The following CCDC74B variants were observed in gnomAD, a reference collection of about 807,000 sequenced individuals.
CCDC74B encodes coiled-coil domain-containing protein 74B.
Under a neutral mutation model 38.0 loss-of-function variants are expected in CCDC74B, and 34 were observed. The ratio of observed to expected loss-of-function variants is 0.89; its 90% CI spans 0.68 to 1.19. The LOEUF is 1.19. Ranked by LOEUF, CCDC74B falls within the 50% of genes most tolerant of loss-of-function variation. The probability of loss-of-function intolerance (pLI) is 0.00; values close to 1 mark genes in which losing one functional copy is unlikely to be tolerated. For missense variants in CCDC74B, 358 were observed against 406.0 expected (o/e 0.88, Z 1.02); for synonymous variants, 132 against 170.4 (o/e 0.77, Z 1.76).
intron 4 of CCDC74B, 149 bp from the exon 5 acceptor site, chr2:130,140,520 G>A (rs1197462297): frequency 1.7e-5 from 15 of 881,572 alleles, no homozygotes; most frequent in South Asian, 1.2e-4. Flanking sequence ...TGGGCACCAG[G>A]TGGGGGTCTC....
rs143091910 is a variant in CCDC74B at position 130,143,072 on chromosome 2, C to T, written c.295+197G>A. The T allele has an allele frequency of 6.9e-3, 10,218 of 1,488,306 alleles. 53 individuals are homozygous for T. The highest frequency in any genetic ancestry group is 7.7e-3 in the Non-Finnish European group (8,635 of 1,116,826). 92.2% of individuals were successfully genotyped at this position (1,488,306 alleles called of 1,614,324 possible). A position where few individuals can be genotyped will look rare whatever the true frequency, so the allele number is the denominator to read the frequency against. On this transcript the variant is annotated intron_variant, in intron 2 of 7. Transcript: ENST00000409943. ...CCTCAGGCCCTGGGCTTCCTGAGAG[C>T]AGCACGTGCTGTGCTTGGCTGCGTA...
At position 130,142,730 on chromosome 2, in the gene CCDC74B, G is replaced by C. The variant is rs1452447003; in HGVS notation, c.295+539C>G. On this transcript the variant is annotated intron_variant, in intron 2 of 7. Transcript: ENST00000409943. The stretch of plus-strand genomic sequence containing the variant: ...CACAACCCAGAATCCTGGGCTGGGT[G>C]GGGGCCGCTGTCAGGATGGGGAAGT... 4.5e-6 allele frequency: 7 copies of C among 1,548,120 alleles called. No individual in the cohort carries two copies. In the South Asian group the frequency reaches 7.2e-5, roughly 16 times the overall value.
intron 6 of CCDC74B, 24 bp from the exon 7 acceptor site, chr2:130,139,971 T>A: frequency 6.2e-7 from 1 of 1,608,206 alleles, no homozygotes; most frequent in South Asian, 1.1e-5. Flanking sequence ...GAGTCAGCAG[T>A]GAGCTGTGGA....
chr2:130,140,168 C>T lies in CCDC74B; in HGVS notation c.678+11G>A, dbSNP rs769684730. ...ACTGCCCAGGGCCACCCCCACCACC[C>T]AGGGCCTCACCTCTTGGGTCTGCAG... On this transcript the variant is annotated intron_variant, in intron 5 of 7. Transcript: ENST00000409943. The T allele has an allele frequency of 6.2e-7, 1 of 1,612,332 alleles. No homozygotes were observed. The highest frequency in any genetic ancestry group is 1.3e-5 in the African/African-American group (1 of 74,848).
In CCDC74B at chr2:130,139,762, T is replaced by G; in HGVS notation, c.810-72A>C. ...GAGTGTGTGGGGAGTGCGGCCTGCA[T>G]GGCCCTCACGGGGGCACAGAGAGGC... On this transcript the variant is annotated intron_variant, in intron 7 of 7. Transcript: ENST00000409943. 5 of 1,607,522 alleles carry G rather than the reference T, an allele frequency of 3.1e-6. No individual in the cohort carries two copies. In the South Asian group the frequency reaches 5.5e-5, roughly 18 times the overall value.
chr2:130,142,296 C>A, intron 2 of CCDC74B, 113 bp from the exon 3 acceptor site: 1 of 1,607,292 alleles, frequency 6.2e-7, no homozygotes. Context: ...TGGGTCCTCC[C>A]GGCTCTACCC....
In CCDC74B at chr2:130,144,786, G is replaced by T. The variant is rs1485499439; in HGVS notation, c.211C>A (p.Leu71Ile). 1.9e-6 allele frequency: 3 copies of T among 1,613,458 alleles called. No homozygotes were observed. The highest frequency in any genetic ancestry group is 2.5e-6 in the Non-Finnish European group (3 of 1,179,800). The change falls in exon 1 of 8, where the codon CTC becomes ATC. Residue 71 changes from leucine to isoleucine, a missense_variant. Around this residue, in one of 3 missense-constraint regions of CCDC74B, gnomAD observed 128 missense variants for 146.7 expected, o/e 0.87. Coordinates refer to ENST00000409943, the MANE Select transcript of CCDC74B (RefSeq NM_001258307.2). The stretch of plus-strand genomic sequence containing the variant: ...TTCAGATGCTCGATCTCCTCATGGA[G>T]CTTGGCCAGCATCTCCGAGTGCTGC... ...QQQHSEMLAK[L>I]HEEIEHLKRE...
chr2:130,143,701 G>A (rs1157309597), intron 1 of CCDC74B, among the ~76,000 whole-genome samples: 1 of 152,136 alleles, frequency 6.6e-6, no homozygotes, highest in Non-Finnish European at 1.5e-5. Flanking sequence ...GGAACGGGGC[G>A]TCCTGAGGCT....
Position 130,139,589 on chromosome 2 carries a change from A to G in CCDC74B, c.911T>C (p.Met304Thr), listed in dbSNP as rs1685449880. ...FAERQKRLQA[M>T]QKRRLHRSVL ...CGAGCGATGCAGGCGCCGTTTCTGC[A>G]TTGCCTGCAGCCTCTTCTGCCTCTC... is the stretch of plus-strand genomic sequence containing the variant. The change falls in exon 8 of 8, where the codon ATG becomes ACG. Residue 304 changes from methionine to threonine, a missense_variant. Transcript: ENST00000409943. The G allele has an allele frequency of 6.2e-7, 1 of 1,613,382 alleles. No individual in the cohort carries two copies. Among genetic ancestry groups the G allele is most frequent in the Non-Finnish European group, 8.5e-7 (1 of 1,180,000 alleles).
intron 1 of CCDC74B, among the ~76,000 whole-genome samples, chr2:130,144,025 A>C: frequency 1.4e-5 from 1 of 72,534 alleles, no homozygotes. Flanking sequence ...CGAAGCGGGG[A>C]CGGGGTGGGG....
At position 130,140,260 on chromosome 2, in the gene CCDC74B, G is replaced by A. The variant is rs1355631596; in HGVS notation, c.597C>T (p.Pro199=). 2 of 1,613,514 alleles carry A rather than the reference G, an allele frequency of 1.2e-6. No individual in the cohort carries two copies. The highest frequency in any genetic ancestry group is 2.2e-5 in the East Asian group (1 of 44,868). The change falls in exon 5 of 8, where the codon CCC becomes CCT. Residue 199 remains proline, a synonymous_variant. Coordinates refer to ENST00000409943, the MANE Select transcript of CCDC74B (RefSeq NM_001258307.2). ...AAHPPMILPL[P]LRKPTTLRQC... ...GCCTAAGTGTGGTGGGCTTTCGCAG[G>A]GGAAGGGGCAGGATCATTGGGGGGT...
chr2:130,141,155 T>C lies in CCDC74B; in HGVS notation c.485+3A>G, dbSNP rs1685593359. 1.9e-6 allele frequency: 3 copies of C among 1,612,740 alleles called. No homozygotes were observed. The highest frequency in any genetic ancestry group is 1.3e-5 in the African/African-American group (1 of 74,836). On this transcript the variant is annotated splice_donor_region_variant and intron_variant, in intron 4 of 7. Transcript: ENST00000409943. ...TTGCACCCCAGGAACACCCAAGCCTTACCTGGCCTGCCCTTGTACCCCAGG... is the reference window on the plus strand; with the variant it reads ...TTGCACCCCAGGAACACCCAAGCCTCACCTGGCCTGCCCTTGTACCCCAGG...
chr2:130,142,994 T>G, intron 2 of CCDC74B: 2 of 1,502,560 alleles, frequency 1.3e-6, no homozygotes, highest in Non-Finnish European at 1.8e-6. Flanking sequence ...TCAGCTCTAC[T>G]TGGAGGAGGG....
intron 1 of CCDC74B, chr2:130,144,244 A>C: frequency 2.6e-6 from 1 of 378,476 alleles, no homozygotes; most frequent in African/African-American, 2.1e-5. Flanking sequence ...GGTTCACGCC[A>C]TTCTCCTGCC....
At chr2:130,143,818 C>T (rs934804769) in intron 1 of CCDC74B, among the ~76,000 whole-genome samples, 5 of 151,150 alleles carry the variant, frequency 3.3e-5, no homozygotes, top group Admixed American at 2.6e-4. Flanking sequence ...GAGGAGGCCG[C>T]GGGCACTGGT....
chr2:130,143,135 C>G, intron 2 of CCDC74B, 134 bp downstream of exon 2: 1 of 1,530,802 alleles, frequency 6.5e-7, no homozygotes, highest in Non-Finnish European at 8.8e-7. Context: ...CGGCATCTGT[C>G]CAGGTCCCCC....
rs1483220220 is a variant in CCDC74B, at chr2:130,140,055, G to C, written c.720C>G (p.Pro240=). The part of the protein sequence containing the change: ...LKSLLEGSQR[P]QAVPEEASFP... ...AGCTAGCTTCCTCCGGGACTGCCTG[G>C]GGCCTCTGGCTCCCTTCCAGGAGGG... The change falls in exon 6 of 8, where the codon CCC becomes CCG. Residue 240 remains proline, a synonymous_variant. Transcript: ENST00000409943. The C allele has an allele frequency of 3.1e-6, 5 of 1,611,634 alleles. No homozygotes were observed. The highest frequency in any genetic ancestry group is 4.2e-6 in the Non-Finnish European group (5 of 1,179,322).
At chr2:130,142,876 A>G (rs1485621728) in intron 2 of CCDC74B, 1 of 1,550,426 alleles carries the variant, frequency 6.4e-7, no homozygotes, top group Non-Finnish European at 8.7e-7. Context: ...GGCCCCCAGC[A>G]TGTCAGGACT....
chr2:130,144,557 C>T (rs918276827), intron 1 of CCDC74B, 190 bp downstream of exon 1: 6 of 1,550,438 alleles, frequency 3.9e-6, no homozygotes, highest in Non-Finnish European at 5.2e-6. Flanking sequence ...TCGGCACTGC[C>T]CGGGGGCCAC....
Sources: gnomAD v4.1 joint callset for allele counts (sites outside exome capture counted in the v4.1 genomes callset) on GRCh38, gnomAD v4.1.1 for gene constraint, gnomAD v4.1.1 regional missense constraint, MANE v1.5 for transcripts, NCBI Gene and HGNC (gene_info 2026-07-23, HGNC 2026-07-21) for gene names.